Variants in FAM83F observed in about 807,000 individuals in gnomAD.
The protein encoded by FAM83F is scaffolding CK1 anchoring protein F.
FAM83F carries 45 observed loss-of-function variants against 42.9 expected under a neutral mutation model. The ratio of observed to expected loss-of-function variants is 1.05; its 90% CI spans 0.83 to 1.35. The LOEUF is 1.35. FAM83F is among the 40% of genes most tolerant of loss of function. The probability of loss-of-function intolerance (pLI) is 0.00; values close to 1 mark genes in which losing one functional copy is unlikely to be tolerated. For synonymous variants in FAM83F, 306 were observed against 298.3 expected, an observed-to-expected ratio of 1.03 and a Z score of -0.27; for missense variants, 617 against 695.9, an observed-to-expected ratio of 0.89 and a Z score of 1.28.
At chr22:40,013,104 A>AAAAAAAAAAAC in intron 1 of FAM83F, among the ~76,000 whole-genome samples, 1 of 151,250 alleles carries the variant, frequency 6.6e-6, no homozygotes, top group Non-Finnish European at 1.5e-5. Flanking sequence ...AAAAAAAAAA[A>AAAAAAAAAAAC]AAAGACTGCT....
chr22:40,037,119 C>T lies in FAM83F; in HGVS notation c.*7554C>T, dbSNP rs1276249574. Reference sequence around the variant, plus strand: ...AGGTGCGGTGGCTCATGCCTGTGACCTCAGCACTTTGGGAGGCCGAGGTGG... The same window carrying T: ...AGGTGCGGTGGCTCATGCCTGTGACTTCAGCACTTTGGGAGGCCGAGGTGG... On this transcript the variant is annotated 3_prime_UTR_variant, in exon 5 of 5. Transcript: ENST00000333407. 1.3e-5 allele frequency: 2 copies of T among 152,214 alleles called. No homozygotes were observed. The highest frequency in any genetic ancestry group is 4.8e-5 in the African/African-American group (2 of 41,428). The allele number at this position is 152,214 out of a possible 1,614,324, so 9.4% of individuals were successfully genotyped here.
At chr22:40,018,025 A>G (rs1417704173) in intron 1 of FAM83F, among the ~76,000 whole-genome samples, 2 of 152,250 alleles carry the variant, frequency 1.3e-5, no homozygotes, top group Non-Finnish European at 2.9e-5. Flanking sequence ...TGGTTTGTGT[A>G]GGAAGCTGGA....
intron 3 of FAM83F, 124 bp downstream of exon 3, chr22:40,020,132 A>G (rs2067511970): frequency 7.3e-7 from 1 of 1,375,490 alleles, no homozygotes; most frequent in African/African-American, 1.5e-5. Context: ...ACGCAATAGC[A>G]AAGGACAGCT....
Position 40,029,637 on chromosome 22 carries a change from C to A in FAM83F, c.*72C>A. The A allele has an allele frequency of 6.4e-7, 1 of 1,566,310 alleles. No individual in the cohort carries two copies. The highest frequency in any genetic ancestry group is 1.2e-5 in the South Asian group (1 of 85,644). Reference sequence around the variant, plus strand: ...GCCCTGTGCTGTGGAGAGCGCAGGTCGCACACTGCACCAGTTTGCACATCA... The same window carrying A: ...GCCCTGTGCTGTGGAGAGCGCAGGTAGCACACTGCACCAGTTTGCACATCA... On this transcript the variant is annotated 3_prime_UTR_variant, in exon 5 of 5. Transcript: ENST00000333407.
intron 4 of FAM83F, among the ~76,000 whole-genome samples, chr22:40,027,406 C>T (rs1402138752): frequency 6.6e-6 from 1 of 152,176 alleles, no homozygotes; most frequent in Non-Finnish European, 1.5e-5. Flanking sequence ...GGCTGCCACC[C>T]TCACCCCATG....
Position 40,036,980 on chromosome 22 carries a change from G to C in FAM83F, c.*7415G>C, listed in dbSNP as rs1428118718. ...CACTGAGGCACCCCTAGACAGTACA[G>C]AAACAAGCAGGTGTGGCCATGTTCC... is the stretch of plus-strand genomic sequence containing the variant. On this transcript the variant is annotated 3_prime_UTR_variant, in exon 5 of 5. Coordinates refer to ENST00000333407, the MANE Select transcript of FAM83F (RefSeq NM_138435.4). 1 of 152,248 alleles carries C rather than the reference G, an allele frequency of 6.6e-6. No homozygotes were observed. The highest frequency in any genetic ancestry group is 1.5e-5 in the Non-Finnish European group (1 of 68,050). The allele number at this position is 152,248 out of a possible 1,614,324, so 9.4% of individuals were successfully genotyped here.
rs1215489018 is a variant in FAM83F at position 40,019,982 on chromosome 22, T to C, written c.753T>C (p.Gly251=). 1.2e-5 allele frequency: 20 copies of C among 1,613,236 alleles called. No homozygotes were observed. The highest frequency in any genetic ancestry group is 1.7e-5 in the Non-Finnish European group (20 of 1,179,620). ...CATCAAGGTTCCTGATGGTGGACGG[T>C]GACAAAGTGGCCACTGGATCTTACA... ...TLSSRFLMVD[G]DKVATGSYRF... is the part of the protein sequence containing the mutation. Residue 251 remains glycine (G), a synonymous_variant, in exon 3 of 5, where the codon GGT becomes GGC. Transcript: ENST00000333407.
chr22:40,019,677 C>T (rs1302275110), intron 2 of FAM83F, among the ~76,000 whole-genome samples: 2 of 152,296 alleles, frequency 1.3e-5, no homozygotes, highest in African/African-American at 2.4e-5. Context: ...CCACCCTGGG[C>T]TTGTCCATGC....
intron 3 of FAM83F, among the ~76,000 whole-genome samples, chr22:40,020,357 ATTTTTTTTT>A (rs552816341): frequency 4.3e-5 from 5 of 116,404 alleles, no homozygotes; most frequent in Non-Finnish European, 8.9e-5. Flanking sequence ...TGTCGCCAGA[ATTTTTTTTT>A]TTTTTTTTTT....
chr22:39,996,873 A>G (rs2067375507), intron 1 of FAM83F, among the ~76,000 whole-genome samples: 1 of 152,310 alleles, frequency 6.6e-6, no homozygotes, highest in South Asian at 2.1e-4. Context: ...AGAAAAAGGC[A>G]AGATTGGACA....
intron 1 of FAM83F, among the ~76,000 whole-genome samples, chr22:40,018,353 C>G (rs928258824): frequency 3.3e-5 from 5 of 152,204 alleles, no homozygotes; most frequent in Non-Finnish European, 7.3e-5. Context: ...TCCGTGATGG[C>G]ATCTCCTTGT....
At chr22:40,019,135 C>A in intron 1 of FAM83F, 33 bp from the exon 2 acceptor site, 1 of 1,610,306 alleles carries the variant, frequency 6.2e-7, no homozygotes. Flanking sequence ...CGTGTAGACA[C>A]CGTGTGCCTC....
chr22:40,041,783 T>C lies in FAM83F; in HGVS notation c.*12218T>C, dbSNP rs1388490283. ...AACAGTGTCTGGATGTAACAGACTA[T>C]GGGCGGCTTTTACTTTATAACTTTC... On this transcript the variant is annotated 3_prime_UTR_variant, in exon 5 of 5. Transcript: ENST00000333407. The C allele has an allele frequency of 6.6e-6, 1 of 152,236 alleles. No individual in the cohort carries two copies. Among genetic ancestry groups the C allele is most frequent in the Non-Finnish European group, 1.5e-5 (1 of 68,038 alleles). The allele number at this position is 152,236 out of a possible 1,614,324, so 9.4% of individuals were successfully genotyped here.
At chr22:40,025,730 A>G (rs1488864160) in intron 4 of FAM83F, among the ~76,000 whole-genome samples, 1 of 152,202 alleles carries the variant, frequency 6.6e-6, no homozygotes, top group Non-Finnish European at 1.5e-5. Context: ...ATTTTTAAAG[A>G]TAAAAATAAA....
chr22:40,029,080 CGTGTGTGTGTGTGTG>C (rs935494362), intron 4 of FAM83F, among the ~76,000 whole-genome samples: 22 of 130,610 alleles, frequency 1.7e-4, no homozygotes, highest in Middle Eastern at 3.7e-3. Flanking sequence ...CTTGGCTAGA[CGTGTGTGTGTGTGTG>C]TGTGTGTGTG....
In FAM83F at chr22:40,023,636, C is replaced by T. The variant is rs1405942430; in HGVS notation, c.1453+1673C>T. ...TGCGTGTCCCTCCACATCCATGTCC[C>T]TGCTCCCACATCTCGGGTGGTCACG... On this transcript the variant is annotated intron_variant, in intron 4 of 4. Transcript: ENST00000333407. This position sits in a 1 kb window ranked among gnomAD's most constrained non-coding sequence, Gnocchi z 4.1. Among the ~76,000 whole-genome samples the T allele has an allele frequency of 6.6e-6, 1 of 152,190 alleles. No homozygotes were observed. The highest frequency in any genetic ancestry group is 1.5e-5 in the Non-Finnish European group (1 of 68,018).
intron 1 of FAM83F, among the ~76,000 whole-genome samples, chr22:40,011,403 C>G (rs1449183310): frequency 1.3e-5 from 2 of 152,136 alleles, no homozygotes; most frequent in African/African-American, 2.4e-5. Flanking sequence ...AGTCTGGTCT[C>G]AAACCCTGAC....
intron 1 of FAM83F, among the ~76,000 whole-genome samples, chr22:40,012,922 A>AC (rs2067474154): frequency 6.7e-6 from 1 of 149,812 alleles, no homozygotes; most frequent in Non-Finnish European, 1.5e-5. Flanking sequence ...AAATACAAAA[A>AC]AAAAAAAAAA....
rs780334805 is a variant in FAM83F at position 40,021,458 on chromosome 22, C to T, written c.948C>T (p.Ser316=). The change falls in exon 4 of 5, where the codon TCC becomes TCT. Residue 316 remains serine (S), a synonymous_variant. Coordinates refer to ENST00000333407, the MANE Select transcript of FAM83F (RefSeq NM_138435.4). This position sits in a 1 kb window ranked among gnomAD's most constrained non-coding sequence, Gnocchi z 8.7. ...LAGRVGLHYS[S]TVARKLINPK... is the part of the protein sequence containing the mutation. ...GCAGGGTTGGCCTCCATTACTCCTCCACTGTGGCTCGAAAGCTTATCAACC... is the reference window on the plus strand; with the variant it reads ...GCAGGGTTGGCCTCCATTACTCCTCTACTGTGGCTCGAAAGCTTATCAACC... The T allele has an allele frequency of 1.9e-6, 3 of 1,609,212 alleles. No individual in the cohort carries two copies. The highest frequency in any genetic ancestry group is 8.5e-7 in the Non-Finnish European group (1 of 1,176,672).
Sources: gnomAD v4.1 joint callset for allele counts (sites outside exome capture counted in the v4.1 genomes callset) on GRCh38, gnomAD v4.1.1 for gene constraint, Gnocchi (gnomAD v3.1) non-coding constraint, MANE v1.5 for transcripts, NCBI Gene and HGNC (gene_info 2026-07-23, HGNC 2026-07-21) for gene names.